Variants in GPAM observed in about 807,000 individuals in gnomAD.
GPAM encodes the protein glycerol-3-phosphate acyltransferase, mitochondrial, also known as glycerol-3-phosphate acyltransferase 1, mitochondrial.
A neutral mutation model predicts 105.0 loss-of-function variants in GPAM; 56 were observed. The ratio of observed to expected loss-of-function variants is 0.53; its 90% CI spans 0.43 to 0.67. GPAM has a LOEUF of 0.67. GPAM is among the 30% of genes least tolerant of loss of function. The probability of loss-of-function intolerance (pLI) is 0.00; values close to 1 mark genes in which losing one functional copy is unlikely to be tolerated. For synonymous variants in GPAM, 368 were observed against 354.4 expected (o/e 1.04, Z -0.43); for missense variants, 855 against 989.8 (o/e 0.86, Z 1.83).
Position 112,168,861 on chromosome 10 carries a change from G to A in GPAM, c.886C>T (p.Leu296Phe), listed in dbSNP as rs1460731677. Residue 296 changes from leucine (L) to phenylalanine (F), a missense_variant, in exon 10 of 22, where the codon CTC becomes TTC. Transcript: ENST00000348367. ...GRKDVLYRAL[L>F]HGHIVELLRQ... ...TTAGAGATCACACATACCCCATGGA[G>A]CAAAGCTCTATAGAGAACATCTTTC... The A allele has an allele frequency of 3.1e-6, 5 of 1,589,998 alleles. No individual in the cohort carries two copies. The highest frequency in any genetic ancestry group is 3.5e-6 in the Non-Finnish European group (4 of 1,158,122).
chr10:112,190,918 G>T (rs1847650793), intron 1 of GPAM, among the ~76,000 whole-genome samples: 1 of 151,998 alleles, frequency 6.6e-6, no homozygotes, highest in Admixed American at 6.6e-5. Flanking sequence ...CCAAGCGATT[G>T]CTCCCAAGCT....
intron 6 of GPAM, among the ~76,000 whole-genome samples, chr10:112,174,157 A>T (rs558793174): frequency 3.2e-4 from 49 of 152,176 alleles, no homozygotes; most frequent in Non-Finnish European, 6.3e-4. Context: ...ACTCTAGCAG[A>T]AGAGAGAAAA....
chr10:112,179,743 T>C (rs918595349), intron 4 of GPAM, among the ~76,000 whole-genome samples: 2 of 152,186 alleles, frequency 1.3e-5, no homozygotes, highest in African/African-American at 4.8e-5. Context: ...AATTTCTTCA[T>C]CCTAATAACT....
intron 1 of GPAM, among the ~76,000 whole-genome samples, chr10:112,193,957 C>T (rs1847693690): frequency 6.6e-6 from 1 of 152,172 alleles, no homozygotes; most frequent in African/African-American, 2.4e-5. Flanking sequence ...CTTAAAGTTA[C>T]TTTGTTCTAG....
In GPAM at chr10:112,160,827, C is replaced by G; in HGVS notation, c.1536G>C (p.Met512Ile). The change falls in exon 16 of 22, where the codon ATG becomes ATC. Residue 512 changes from methionine to isoleucine, a missense_variant. Physicochemically the swap from Met to Ile is conservative, Grantham distance 10 (BLOSUM62 1). Coordinates refer to ENST00000348367, the MANE Select transcript of GPAM (RefSeq NM_001244949.2). ...AATCACGAGCCAGGACTTCCTCTTT[C>G]ATCACAAAGAAGTCTTCGACCAATG... is the stretch of plus-strand genomic sequence containing the variant. ...LSTLVEDFFVMKEEVLARDFD... is the reference protein window; with the variant it reads ...LSTLVEDFFVIKEEVLARDFD... 1.2e-6 allele frequency: 2 copies of G among 1,613,698 alleles called. No individual in the cohort carries two copies. The highest frequency in any genetic ancestry group is 1.7e-6 in the Non-Finnish European group (2 of 1,179,598).
chr10:112,198,562 C>G (rs1371781252), intron 1 of GPAM, among the ~76,000 whole-genome samples: 1 of 152,130 alleles, frequency 6.6e-6, no homozygotes. Flanking sequence ...CCATGGACCC[C>G]AGATTAAGAA....
intron 15 of GPAM, 130 bp from the exon 16 acceptor site, chr10:112,160,998 G>T: frequency 1.3e-6 from 1 of 758,620 alleles, no homozygotes; most frequent in Non-Finnish European, 2.3e-6. Context: ...TAGAGAAGTA[G>T]GGCCAGAACA....
intron 7 of GPAM, 55 bp downstream of exon 7, chr10:112,173,644 T>C: frequency 1.3e-6 from 2 of 1,548,548 alleles, no homozygotes; most frequent in Non-Finnish European, 1.8e-6. Context: ...TTCAGTCTTA[T>C]TTGCTCAAAT....
chr10:112,219,956 T>G (rs1848003305), upstream of GPAM, among the ~76,000 whole-genome samples: 1 of 152,232 alleles, frequency 6.6e-6, no homozygotes, highest in African/African-American at 2.4e-5. Context: ...GCCTGAATTC[T>G]GCTAAGGTAA....
At chr10:112,214,381 C>T (rs1271171318) in intron 1 of GPAM, 2 of 152,170 alleles carry the variant, frequency 1.3e-5, no homozygotes, top group Non-Finnish European at 1.5e-5. Context: ...GGTTTTGCAT[C>T]GTATCTTCCC....
chr10:112,206,832 T>TAAAAAAAAAAAAAAAAAAAAA (rs1564691219), intron 1 of GPAM, among the ~76,000 whole-genome samples: 1 of 136,488 alleles, frequency 7.3e-6, no homozygotes, highest in African/African-American at 3.3e-5. Context: ...AAAAAAAAAT[T>TAAAAAAAAAAAAAAAAAAAAA]TAAAAAAAAA....
upstream of GPAM, among the ~76,000 whole-genome samples, chr10:112,220,298 C>T (rs1207091855): frequency 6.9e-6 from 1 of 144,866 alleles, no homozygotes; most frequent in Non-Finnish European, 1.5e-5. Flanking sequence ...TAATAAAATT[C>T]CTGTCTGCCA....
intron 1 of GPAM, among the ~76,000 whole-genome samples, chr10:112,200,242 TATAGAGAG>T (rs1333309392): frequency 7.4e-4 from 94 of 126,978 alleles, no homozygotes; most frequent in African/African-American, 2.7e-3. Context: ...TATATATATA[TATAGAGAG>T]AGAGAGAGAG....
At chr10:112,191,367 C>T (rs1028230177) in intron 1 of GPAM, among the ~76,000 whole-genome samples, 3 of 152,130 alleles carry the variant, frequency 2.0e-5, no homozygotes, top group East Asian at 1.9e-4. Flanking sequence ...GAAGAAAGCA[C>T]GGTGGGAACT....
chr10:112,195,549 C>T (rs974954924), intron 1 of GPAM, among the ~76,000 whole-genome samples: 24 of 152,190 alleles, frequency 1.6e-4, no homozygotes, highest in African/African-American at 5.6e-4. Flanking sequence ...TTTTTGTGGA[C>T]CCTTCAGACT....
intron 1 of GPAM, among the ~76,000 whole-genome samples, chr10:112,195,193 A>G (rs936897476): frequency 1.3e-5 from 2 of 152,114 alleles, no homozygotes; most frequent in African/African-American, 4.8e-5. Flanking sequence ...AAAATGCATC[A>G]TGCCAAAATG....
upstream of GPAM, among the ~76,000 whole-genome samples, chr10:112,220,253 C>T (rs1225961052): frequency 6.6e-6 from 1 of 150,796 alleles, no homozygotes; most frequent in African/African-American, 2.4e-5. Context: ...CTAGAAAAAC[C>T]CTAGCCTCTG....
intron 6 of GPAM, 150 bp from the exon 7 acceptor site, chr10:112,173,995 G>A (rs1017603880): frequency 2.9e-6 from 2 of 691,018 alleles, no homozygotes; most frequent in Admixed American, 2.3e-5. Flanking sequence ...CAAGCTAGAA[G>A]TGCTCTTTCT....
Position 112,160,014 on chromosome 10 carries a change from C to G in GPAM, c.1799G>C (p.Gly600Ala). The stretch of plus-strand genomic sequence containing the variant: ...GTTAGGTGGGGTGCTAGTGGGACCC[C>G]CCAGTCCCCTCTTGTTCAGAACTGC... ...LYAVLNKRGL[G>A]GPTSTPPNLI... Residue 600 changes from glycine to alanine, a missense_variant, in exon 17 of 22, where the codon GGG becomes GCG. Physicochemically the swap from Gly to Ala is moderately conservative, Grantham distance 60. Coordinates refer to ENST00000348367, the MANE Select transcript of GPAM (RefSeq NM_001244949.2). The G allele has an allele frequency of 1.9e-6, 3 of 1,613,324 alleles. No homozygotes were observed. Among genetic ancestry groups the G allele is most frequent in the Non-Finnish European group, 2.5e-6 (3 of 1,179,318 alleles).
Sources: gnomAD v4.1 joint callset for allele counts (sites outside exome capture counted in the v4.1 genomes callset) on GRCh38, gnomAD v4.1.1 for gene constraint, MANE v1.5 for transcripts, NCBI Gene and HGNC (gene_info 2026-07-23, HGNC 2026-07-21) for gene names.